MSI2: variants seen among roughly 807,000 people sequenced by gnomAD.
The protein encoded by MSI2 is RNA-binding protein Musashi homolog 2.
A neutral mutation model predicts 45.6 loss-of-function variants in MSI2; 17 were observed. The observed-to-expected ratio is 0.37, with a 90% CI of 0.26 to 0.56. The LOEUF (loss-of-function observed/expected upper bound fraction) is 0.56. MSI2 is among the 20% of genes least tolerant of loss of function. MSI2 has a pLI of 0.77. For synonymous variants in MSI2, 156 were observed against 158.2 expected (o/e 0.99, Z 0.11); for missense variants, 293 against 444.2 (o/e 0.66, Z 3.06).
intron 5 of MSI2, among the ~76,000 whole-genome samples, chr17:57,292,045 C>G (rs1044039972): frequency 3.3e-5 from 5 of 151,934 alleles, no homozygotes; most frequent in South Asian, 4.2e-4. Context: ...AGTCCCCCTC[C>G]TCAGGAGGGC....
intron 6 of MSI2, among the ~76,000 whole-genome samples, chr17:57,483,554 A>G (rs957177528): frequency 6.6e-6 from 1 of 152,178 alleles, no homozygotes; most frequent in Non-Finnish European, 1.5e-5. Context: ...GGAGGTAGCA[A>G]CTGCAGGAAG....
At chr17:57,591,385 T>TA (rs1904809585) in intron 7 of MSI2, among the ~76,000 whole-genome samples, 1 of 152,198 alleles carries the variant, frequency 6.6e-6, no homozygotes, top group Non-Finnish European at 1.5e-5. Context: ...GTACAGGACA[T>TA]AGAGTGTATG....
intron 5 of MSI2, chr17:57,264,886 G>C (rs1358214603): frequency 3.9e-5 from 6 of 152,280 alleles, no homozygotes; most frequent in African/African-American, 1.4e-4. Flanking sequence ...CCAGTACTTT[G>C]AAGTTCTGCG....
intron 7 of MSI2, among the ~76,000 whole-genome samples, chr17:57,580,826 A>G (rs1289788433): frequency 6.6e-6 from 1 of 152,080 alleles, no homozygotes; most frequent in African/African-American, 2.4e-5. Flanking sequence ...TAAAGCTCTT[A>G]TCACCGCAGT....
intron 11 of MSI2, 95 bp from the exon 12 acceptor site, chr17:57,674,877 G>T: frequency 6.5e-7 from 1 of 1,541,992 alleles, no homozygotes; most frequent in Non-Finnish European, 8.8e-7. Context: ...GTGCATGCCT[G>T]GCTTCTGGCC....
At chr17:57,563,446 T>A (rs955327007) in intron 7 of MSI2, among the ~76,000 whole-genome samples, 1 of 152,054 alleles carries the variant, frequency 6.6e-6, no homozygotes, top group Admixed American at 6.6e-5. Context: ...CTTGTACACA[T>A]GGAAAAACTT....
In MSI2 at chr17:57,495,299, G is replaced by A. The variant is rs189375362; in HGVS notation, c.406-34377G>A. Among the ~76,000 whole-genome samples, 757 of 152,208 alleles carry A rather than the reference G, an allele frequency of 5.0e-3. 7 individuals are homozygous for A. The highest frequency in any genetic ancestry group is 0.017 in the African/African-American group (708 of 41,544). On this transcript the variant is annotated intron_variant, in intron 6 of 13. Coordinates refer to ENST00000284073, the MANE Select transcript of MSI2 (RefSeq NM_138962.4). ...CATAATCCCAGCACTTTGGGAGGCC[G>A]AGGCAGGCGGATCACCTGAAGTCAG...
chr17:57,325,907 T>A (rs895570109), intron 5 of MSI2, among the ~76,000 whole-genome samples: 2 of 152,200 alleles, frequency 1.3e-5, no homozygotes, highest in Non-Finnish European at 2.9e-5. Flanking sequence ...CACACACATC[T>A]TAGACTGCGC....
chr17:57,548,333 TA>T (rs140309105), intron 7 of MSI2, among the ~76,000 whole-genome samples: 3,037 of 150,190 alleles, frequency 0.02, 59 homozygotes, highest in African/African-American at 0.041. Flanking sequence ...TTAATTCGTT[TA>T]AAAAAAAAAT....
intron 7 of MSI2, among the ~76,000 whole-genome samples, chr17:57,594,720 C>A (rs186144469): frequency 6.6e-6 from 1 of 152,280 alleles, no homozygotes; most frequent in African/African-American, 2.4e-5. Context: ...TGTTGGACAG[C>A]ATTTCAAACC....
intron 10 of MSI2, chr17:57,632,623 G>A: frequency 9.4e-7 from 1 of 1,066,142 alleles, no homozygotes; most frequent in Non-Finnish European, 1.1e-6. Context: ...CCATCTCAAG[G>A]TTGGCACTCC....
intron 6 of MSI2, among the ~76,000 whole-genome samples, chr17:57,470,437 C>G (rs1430844844): frequency 2.0e-5 from 3 of 152,110 alleles, no homozygotes; most frequent in Non-Finnish European, 4.4e-5. Flanking sequence ...ACCACCATGC[C>G]TGGCTAATTT....
At chr17:57,298,332 A>T (rs1160492181) in intron 5 of MSI2, among the ~76,000 whole-genome samples, 1 of 152,176 alleles carries the variant, frequency 6.6e-6, no homozygotes, top group Admixed American at 6.5e-5. Flanking sequence ...GTGAGCTGTA[A>T]TGTTTTGAAA....
At chr17:57,443,774 C>A (rs1241056358) in intron 6 of MSI2, among the ~76,000 whole-genome samples, 1 of 152,178 alleles carries the variant, frequency 6.6e-6, no homozygotes. Flanking sequence ...TACCTCAGTT[C>A]CTCCAGAGAC....
At chr17:57,419,837 C>T (rs772498806) in intron 6 of MSI2, among the ~76,000 whole-genome samples, 3 of 152,200 alleles carry the variant, frequency 2.0e-5, no homozygotes, top group Admixed American at 6.5e-5. Flanking sequence ...TTGGTCTCTT[C>T]GGTCAGGACG....
intron 5 of MSI2, among the ~76,000 whole-genome samples, chr17:57,342,898 C>T (rs1195499547): frequency 6.6e-6 from 1 of 152,158 alleles, no homozygotes; most frequent in East Asian, 1.9e-4. Flanking sequence ...TACATACACA[C>T]ACATTTTGAA....
intron 6 of MSI2, among the ~76,000 whole-genome samples, chr17:57,468,613 G>T (rs1462987779): frequency 6.6e-6 from 1 of 152,068 alleles, no homozygotes; most frequent in African/African-American, 2.4e-5. Context: ...AAAGTTGTGG[G>T]ACTGACATCT....
rs71387498 is a variant in MSI2, at chr17:57,362,593, C to T, written c.313-38786C>T. ...ATTTTACAGTTCTGAAGTTTTAGTC[C>T]ATAAATTTTTTGAACTTAAGGCTTT... On this transcript the variant is annotated intron_variant, in intron 5 of 13. Coordinates refer to ENST00000284073, the MANE Select transcript of MSI2 (RefSeq NM_138962.4). 5.8e-3 allele frequency among the ~76,000 whole-genome samples: 884 copies of T among 152,156 alleles called. 6 individuals are homozygous for T. Among genetic ancestry groups the T allele is most frequent in the Non-Finnish European group, 8.2e-3 (556 of 67,994 alleles).
chr17:57,688,627 G>A (rs1258846894), downstream of MSI2, among the ~76,000 whole-genome samples: 2 of 152,044 alleles, frequency 1.3e-5, no homozygotes, highest in African/African-American at 2.4e-5. Flanking sequence ...ACATATATAT[G>A]TATGTGTGTG....
Sources: allele counts gnomAD v4.1 joint callset (sites outside exome capture counted in the v4.1 genomes callset), GRCh38; gene constraint gnomAD v4.1.1; transcripts MANE v1.5; gene names NCBI Gene and HGNC (gene_info 2026-07-23, HGNC 2026-07-21).